The following WWOX variants were observed in gnomAD, a reference collection of about 807,000 sequenced individuals.
WWOX encodes WW domain containing oxidoreductase, also known as WW domain-containing oxidoreductase.
A neutral mutation model predicts 46.2 loss-of-function variants in WWOX; 69 were observed. The observed-to-expected ratio is 1.49, with a 90% CI of 1.23 to 1.82. The LOEUF (loss-of-function observed/expected upper bound fraction) is 1.82, where lower values mean the gene tolerates loss of function less well. Ranked by LOEUF, WWOX falls within the 40% of genes most tolerant of loss-of-function variation. The pLI is 0.00. For missense variants in WWOX, 919 were observed against 542.6 expected (o/e 1.69, Z -6.89); for synonymous variants, 359 against 202.6 (o/e 1.77, Z -6.56).
At chr16:78,802,601 T>G (rs62038644) in intron 8 of WWOX, among the ~76,000 whole-genome samples, 5,385 of 151,956 alleles carry the variant, frequency 0.035, 114 homozygotes, top group Non-Finnish European at 0.05. Flanking sequence ...GTGAATATAG[T>G]GAGTGACTAA....
chr16:78,421,827 T>C (rs939308047), intron 6 of WWOX, among the ~76,000 whole-genome samples: 4 of 152,116 alleles, frequency 2.6e-5, no homozygotes, highest in Non-Finnish European at 4.4e-5. Context: ...TGATATTAAC[T>C]GTGCAATTTT....
intron 8 of WWOX, among the ~76,000 whole-genome samples, chr16:79,131,010 T>A (rs141553030): frequency 2.0e-5 from 3 of 152,200 alleles, no homozygotes; most frequent in Non-Finnish European, 2.9e-5. Context: ...TAATCCTTTT[T>A]TGGATGAAGT....
rs148182929 is a variant in WWOX at position 78,355,748 on chromosome 16, T to A, written c.517-31112T>A. 53 of 707,610 alleles carry A rather than the reference T, an allele frequency of 7.5e-5. No individual in the cohort carries two copies. In the East Asian group the frequency reaches 1.7e-3, roughly 23 times the overall value. The allele number at this position is 707,610 out of a possible 1,614,324, so 43.8% of individuals were successfully genotyped here. ...TGATGAGGAAACATATGAAGAGACA[T>A]ATGAATCAACAAAACAGAATATTCC... On this transcript the variant is annotated intron_variant, in intron 5 of 8. Coordinates refer to ENST00000566780, the MANE Select transcript of WWOX (RefSeq NM_016373.4).
At chr16:78,120,078 C>A (rs1178349025) in intron 4 of WWOX, among the ~76,000 whole-genome samples, 1 of 152,042 alleles carries the variant, frequency 6.6e-6, no homozygotes, top group Non-Finnish European at 1.5e-5. Context: ...CTGGTAAATA[C>A]CAGTGAAATA....
At chr16:78,357,886 G>C (rs937902243) in intron 5 of WWOX, among the ~76,000 whole-genome samples, 1 of 152,180 alleles carries the variant, frequency 6.6e-6, no homozygotes, top group Non-Finnish European at 1.5e-5. Context: ...AACTCAGTTA[G>C]GCTGACTTCT....
intron 8 of WWOX, among the ~76,000 whole-genome samples, chr16:78,467,395 G>C (rs936685245): frequency 6.6e-6 from 1 of 152,122 alleles, no homozygotes; most frequent in Admixed American, 6.5e-5. Flanking sequence ...CTATATGCTA[G>C]AGGTGAGGAA....
intron 8 of WWOX, among the ~76,000 whole-genome samples, chr16:78,752,194 T>A (rs909396791): frequency 3.9e-5 from 6 of 152,240 alleles, no homozygotes; most frequent in Non-Finnish European, 5.9e-5. Flanking sequence ...AAATATACCT[T>A]TAAGTAGTTG....
At chr16:78,237,073 C>CAAAAA (rs35866443) in intron 5 of WWOX, among the ~76,000 whole-genome samples, 2 of 80,814 alleles carry the variant, frequency 2.5e-5, no homozygotes, top group Admixed American at 1.5e-4. Context: ...GACTCCGTCT[C>CAAAAA]AAAAAAAAAA....
At chr16:78,492,606 T>G (rs550421348) in intron 8 of WWOX, among the ~76,000 whole-genome samples, 5 of 152,152 alleles carry the variant, frequency 3.3e-5, no homozygotes, top group Non-Finnish European at 5.9e-5. Context: ...AATCACTGTT[T>G]CTCCTCCTTT....
chr16:78,775,388 A>G lies in WWOX; in HGVS notation c.1056+342636A>G, dbSNP rs530459388. ...TTTTTGGGCAACTTTTCGATGAGTAAAACAGGGCCTGACTTTTACCCCAAA... is the reference window on the plus strand; with the variant it reads ...TTTTTGGGCAACTTTTCGATGAGTAGAACAGGGCCTGACTTTTACCCCAAA... On this transcript the variant is annotated intron_variant, in intron 8 of 8. Transcript: ENST00000566780. 2.0e-5 allele frequency among the ~76,000 whole-genome samples: 3 copies of G among 152,294 alleles called. No individual in the cohort carries two copies. The East Asian group carries it at 5.8e-4, about 29-fold the overall frequency.
At chr16:79,139,352 C>T (rs1351208509) in intron 8 of WWOX, among the ~76,000 whole-genome samples, 1 of 152,142 alleles carries the variant, frequency 6.6e-6, no homozygotes, top group Non-Finnish European at 1.5e-5. Flanking sequence ...TGTGGGGATC[C>T]ACTTTAATGT....
chr16:79,023,583 T>G (rs574787904), intron 8 of WWOX, among the ~76,000 whole-genome samples: 1 of 152,214 alleles, frequency 6.6e-6, no homozygotes, highest in Admixed American at 6.5e-5. Flanking sequence ...ATGTGTGTGT[T>G]AAAAAGGAAT....
intron 8 of WWOX, among the ~76,000 whole-genome samples, chr16:78,520,908 A>T (rs1308568353): frequency 2.6e-5 from 4 of 152,300 alleles, no homozygotes; most frequent in South Asian, 2.1e-4. Context: ...GTTAACAAGC[A>T]AAAGAAGACA....
chr16:78,126,183 TA>T (rs2033353727), intron 4 of WWOX, among the ~76,000 whole-genome samples: 1 of 152,218 alleles, frequency 6.6e-6, no homozygotes, highest in Non-Finnish European at 1.5e-5. Flanking sequence ...TCCAGCTTTT[TA>T]ATAGCTGTGG....
rs538735166 is a variant in WWOX at position 78,758,948 on chromosome 16, A to C, written c.1056+326196A>C. Among the ~76,000 whole-genome samples, 16 of 152,022 alleles carry C rather than the reference A, an allele frequency of 1.1e-4. No homozygotes were observed. In the South Asian group the frequency reaches 2.3e-3, roughly 22 times the overall value. On this transcript the variant is annotated intron_variant, in intron 8 of 8. Coordinates refer to ENST00000566780, the MANE Select transcript of WWOX (RefSeq NM_016373.4). ...AAAACCACAAAAGACAAAAAAAAAAAAAACAAAAAACCTTCACAGACAAAA... is the reference window on the plus strand; with the variant it reads ...AAAACCACAAAAGACAAAAAAAAAACAAACAAAAAACCTTCACAGACAAAA...
chr16:78,993,376 C>G (rs1287989722), intron 8 of WWOX, among the ~76,000 whole-genome samples: 2 of 152,078 alleles, frequency 1.3e-5, no homozygotes, highest in African/African-American at 4.8e-5. Flanking sequence ...AAGTGCTTGT[C>G]AAGAGGGTAA....
chr16:78,396,020 C>G (rs968321094), intron 6 of WWOX, among the ~76,000 whole-genome samples: 3 of 152,100 alleles, frequency 2.0e-5, no homozygotes, highest in African/African-American at 7.2e-5. Context: ...CAGTGGAACC[C>G]CAGAGCACTC....
At chr16:78,706,987 G>T (rs544718445) in intron 8 of WWOX, among the ~76,000 whole-genome samples, 5 of 152,286 alleles carry the variant, frequency 3.3e-5, no homozygotes, top group African/African-American at 1.2e-4. Context: ...AAGTGAATCA[G>T]TCAGTTGCCT....
chr16:78,570,106 G>A (rs1034666652), intron 8 of WWOX, among the ~76,000 whole-genome samples: 11 of 152,204 alleles, frequency 7.2e-5, no homozygotes, highest in Non-Finnish European at 1.5e-4. Flanking sequence ...ATTGGTAAAA[G>A]GGAGACAGGT....
Sources: gnomAD v4.1 joint callset for allele counts (sites outside exome capture counted in the v4.1 genomes callset) on GRCh38, gnomAD v4.1.1 for gene constraint, MANE v1.5 for transcripts, NCBI Gene and HGNC (gene_info 2026-07-23, HGNC 2026-07-21) for gene names.